Variants in EHBP1L1 observed in about 807,000 individuals in gnomAD.
The protein encoded by EHBP1L1 is EH domain-binding protein 1-like protein 1.
In EHBP1L1, 122 loss-of-function variants were observed where a neutral mutation model predicts 151.1. The observed-to-expected ratio is 0.81, with a 90% CI of 0.70 to 0.94. EHBP1L1 has a LOEUF of 0.94. Ranked by LOEUF, EHBP1L1 falls within the 40% of genes least tolerant of loss-of-function variation. The pLI, the probability that EHBP1L1 is intolerant of heterozygous loss-of-function variation, is 0.00. For missense variants in EHBP1L1, 1,941 were observed against 1,959.8 expected, an observed-to-expected ratio of 0.99 and a Z score of 0.18; for synonymous variants, 878 against 810.1, an observed-to-expected ratio of 1.08 and a Z score of -1.42.
intron 11 of EHBP1L1, 110 bp downstream of exon 11, chr11:65,584,644 G>C: frequency 7.2e-7 from 1 of 1,397,094 alleles, no homozygotes. Flanking sequence ...GCTTCTGGAA[G>C]TTCTGCCACT....
At position 65,579,069 on chromosome 11, in the gene EHBP1L1, C is replaced by G. The variant is rs571516411; in HGVS notation, c.105-9C>G. 47 of 1,578,182 alleles carry G rather than the reference C, an allele frequency of 3.0e-5. 1 individual carries two copies. The highest frequency in any genetic ancestry group is 3.3e-4 in the Middle Eastern group (2 of 6,008). ...GCTCCCTTTCTCCCTCCCCTTCCCC[C>G]TCCCCCAGGCAGCCAGATAAGCTGG... On this transcript the variant is annotated splice_polypyrimidine_tract_variant and intron_variant, in intron 1 of 18. Transcript: ENST00000309295.
chr11:65,588,170 T>G (rs1858071896), intron 12 of EHBP1L1, among the ~76,000 whole-genome samples: 4 of 149,196 alleles, frequency 2.7e-5, no homozygotes, highest in East Asian at 2.0e-4. Flanking sequence ...GGGAAGAGTG[T>G]GGGGGCCCCG....
rs578210479 is a variant in EHBP1L1, at chr11:65,592,022, G to C, written c.4404G>C (p.Leu1468=). The change falls in exon 18 of 19, where the codon CTG becomes CTC. Residue 1468 remains leucine (L), a synonymous_variant. Transcript: ENST00000309295. ...AGCAGCACCGAGAGCAGCTCCTACT[G>C]GAGGAGCTGGTGTCGCTGGTGAACC... is the stretch of plus-strand genomic sequence containing the variant. ...SAQQHREQLL[L]EELVSLVNQR... 6.2e-7 allele frequency: 1 copy of C among 1,613,444 alleles called. No homozygotes were observed. The highest frequency in any genetic ancestry group is 1.7e-5 in the Admixed American group (1 of 60,030).
At chr11:65,589,168 G>T (rs1476313456) in intron 12 of EHBP1L1, among the ~76,000 whole-genome samples, 1 of 152,206 alleles carries the variant, frequency 6.6e-6, no homozygotes. Context: ...ACTTTGGGAG[G>T]CCAAAGTGAG....
chr11:65,590,026 AG>A (rs756868285), intron 14 of EHBP1L1, 35 bp downstream of exon 14: 22 of 1,609,270 alleles, frequency 1.4e-5, no homozygotes, highest in African/African-American at 4.0e-5. Context: ...CTGATGGGTG[AG>A]CACCACCTAT....
intron 1 of EHBP1L1, 94 bp downstream of exon 1, chr11:65,576,500 G>T (rs1016209724): frequency 2.4e-5 from 27 of 1,110,488 alleles, no homozygotes; most frequent in Non-Finnish European, 2.9e-5. Context: ...CCAGCCCAAT[G>T]ACCAAATGGG....
At position 65,585,255 on chromosome 11, in the gene EHBP1L1, C is replaced by A. The variant is rs765591823; in HGVS notation, c.3597C>A (p.Arg1199=). The A allele has an allele frequency of 4.6e-6, 5 of 1,096,102 alleles. No individual in the cohort carries two copies. The highest frequency in any genetic ancestry group is 5.5e-5 in the East Asian group (1 of 18,092). 67.9% of individuals were successfully genotyped at this position (1,096,102 alleles called of 1,614,324 possible). Residue 1199 remains arginine, a synonymous_variant, in exon 12 of 19, where the codon CGC becomes CGA. Coordinates refer to ENST00000309295, the MANE Select transcript of EHBP1L1 (RefSeq NM_001099409.3). This position sits in a 1 kb window ranked among gnomAD's most constrained non-coding sequence, Gnocchi z 4.0. Reference sequence around the variant, plus strand: ...AGGAGCCCAAGGAGGCCGCAGACCGCGCAGACGGGGCGGCCCCGGGGGTGG... The same window carrying A: ...AGGAGCCCAAGGAGGCCGCAGACCGAGCAGACGGGGCGGCCCCGGGGGTGG... ...GPQEPKEAAD[R]ADGAAPGVAS...
At chr11:65,578,638 C>T (rs7936355) in intron 1 of EHBP1L1, among the ~76,000 whole-genome samples, 2 of 152,206 alleles carry the variant, frequency 1.3e-5, no homozygotes, top group African/African-American at 2.4e-5. Flanking sequence ...TTATGGTGGG[C>T]GCTCCACAAA....
At position 65,583,037 on chromosome 11, in the gene EHBP1L1, T is replaced by G. The variant is rs1243861951; in HGVS notation, c.2365T>G (p.Leu789Val). ...ATCTAGGGATTCAGGGGTCCCAGGG[T>G]TAGAAGCTGATACAACAGGGATCCA... ...IASRDSGVPG[L>V]EADTTGIQVK... Residue 789 changes from leucine to valine, a missense_variant, in exon 9 of 19, where the codon TTA becomes GTA. By Grantham distance (32) the Leu-to-Val change is conservative. Transcript: ENST00000309295. 6.2e-7 allele frequency: 1 copy of G among 1,611,704 alleles called. No individual in the cohort carries two copies. Among genetic ancestry groups the G allele is most frequent in the East Asian group, 2.2e-5 (1 of 44,828 alleles).
rs1857734130 is a variant in EHBP1L1, at chr11:65,583,224, T to C, written c.2552T>C (p.Ile851Thr). The C allele has an allele frequency of 6.2e-7, 1 of 1,613,062 alleles. No homozygotes were observed. The highest frequency in any genetic ancestry group is 1.3e-5 in the African/African-American group (1 of 74,746). The stretch of plus-strand genomic sequence containing the variant: ...GAGACAGAGGTCGGGGGTTCAGGGA[T>C]CTCAGGGCCCGAGGCTGGAATGGCA... ...AQETEVGGSG[I>T]SGPEAGMAEA... Residue 851 changes from isoleucine (I) to threonine (T), a missense_variant, in exon 9 of 19, where the codon ATC becomes ACC. Coordinates refer to ENST00000309295, the MANE Select transcript of EHBP1L1 (RefSeq NM_001099409.3).
At chr11:65,588,677 G>A (rs1467312900) in intron 12 of EHBP1L1, among the ~76,000 whole-genome samples, 2 of 152,212 alleles carry the variant, frequency 1.3e-5, no homozygotes, top group Admixed American at 6.5e-5. Flanking sequence ...GCAGTTGAGG[G>A]GCCAGGCTAT....
rs539574614 is a variant in EHBP1L1, at chr11:65,589,778, G to A, written c.3961G>A (p.Ala1321Thr). 550 of 1,557,226 alleles carry A rather than the reference G, an allele frequency of 3.5e-4. 4 individuals carry two copies. In the South Asian group the frequency reaches 6.2e-3, roughly 17 times the overall value. ...AEGQAPDPSPAPGPPTAADSQ... is the reference protein window; with the variant it reads ...AEGQAPDPSPTPGPPTAADSQ... ...AGGCCAGGCCCCTGACCCCAGCCCT[G>A]CCCCAGGCCCACCCACAGCTGCAGA... The change falls in exon 13 of 19, where the codon GCC becomes ACC. Residue 1321 changes from alanine (A) to threonine (T), a missense_variant. Coordinates refer to ENST00000309295, the MANE Select transcript of EHBP1L1 (RefSeq NM_001099409.3).
At chr11:65,590,326 C>T (rs1408158951) in intron 15 of EHBP1L1, 116 bp downstream of exon 15, 7 of 1,529,568 alleles carry the variant, frequency 4.6e-6, no homozygotes, top group East Asian at 4.8e-5. Context: ...CATCAGCGTT[C>T]CCATTTTACA....
intron 16 of EHBP1L1, chr11:65,591,570 G>A (rs765965779): frequency 2.2e-5 from 13 of 603,428 alleles, no homozygotes; most frequent in Non-Finnish European, 3.6e-5. Context: ...GGGTCCTTCT[G>A]GGGGGTGTGT....
chr11:65,582,484 A>C lies in EHBP1L1; in HGVS notation c.1812A>C (p.Ile604=). The part of the protein sequence containing the change: ...FPETRTLEIE[I]LGALEKEAAR... The stretch of plus-strand genomic sequence containing the variant: ...AGACTAGGACACTAGAAATTGAGAT[A>C]TTGGGGGCCTTGGAGAAAGAAGCAG... The change falls in exon 9 of 19, where the codon ATA becomes ATC. Residue 604 remains isoleucine, a synonymous_variant. Coordinates refer to ENST00000309295, the MANE Select transcript of EHBP1L1 (RefSeq NM_001099409.3). The C allele has an allele frequency of 6.2e-7, 1 of 1,612,950 alleles. No homozygotes were observed. The highest frequency in any genetic ancestry group is 2.2e-5 in the East Asian group (1 of 44,866).
intron 12 of EHBP1L1, among the ~76,000 whole-genome samples, chr11:65,587,544 TA>T (rs1858037653): frequency 1.3e-5 from 2 of 152,176 alleles, no homozygotes; most frequent in African/African-American, 4.8e-5. Context: ...CATGGACTCT[TA>T]GGGTGTGTAT....
intron 12 of EHBP1L1, among the ~76,000 whole-genome samples, chr11:65,588,525 G>C (rs1858092902): frequency 6.6e-6 from 1 of 152,196 alleles, no homozygotes; most frequent in Non-Finnish European, 1.5e-5. Flanking sequence ...AGGCCAGAGA[G>C]GATTGCCTCT....
chr11:65,580,289 G>A, intron 5 of EHBP1L1, 30 bp downstream of exon 5: 1 of 1,613,202 alleles, frequency 6.2e-7, no homozygotes, highest in Non-Finnish European at 8.5e-7. Context: ...CCTTGATCCT[G>A]GCCTGTGACC....
At position 65,584,756 on chromosome 11, in the gene EHBP1L1, G is replaced by A; in HGVS notation, c.3301-203G>A. ...GATGGTTTTTCCAAAACCACCCTTT[G>A]GTAACGGGGTGGACGGTGTGCCGTT... On this transcript the variant is annotated intron_variant, in intron 11 of 18. Transcript: ENST00000309295. The A allele has an allele frequency of 9.4e-6, 9 of 954,590 alleles. No homozygotes were observed. The South Asian group carries it at 1.5e-4, about 16-fold the overall frequency. 59.1% of individuals were successfully genotyped at this position (954,590 alleles called of 1,614,324 possible). A position where few individuals can be genotyped will look rare whatever the true frequency, so the allele number is the denominator to read the frequency against.
Sources: allele counts gnomAD v4.1 joint callset (sites outside exome capture counted in the v4.1 genomes callset), GRCh38; gene constraint gnomAD v4.1.1; non-coding constraint Gnocchi (gnomAD v3.1); transcripts MANE v1.5; gene names NCBI Gene and HGNC (gene_info 2026-07-23, HGNC 2026-07-21).